The following CATSPERB variants were observed in gnomAD, a reference collection of about 807,000 sequenced individuals.
The protein encoded by CATSPERB is cation channel sperm-associated auxiliary subunit beta.
A neutral mutation model predicts 128.3 loss-of-function variants in CATSPERB; 93 were observed. That is an observed-to-expected ratio of 0.72 (90% CI 0.61 to 0.86). The LOEUF is 0.86. Ranked by LOEUF, CATSPERB falls within the 40% of genes least tolerant of loss-of-function variation. The pLI, the probability that CATSPERB is intolerant of heterozygous loss-of-function variation, is 0.00. For missense variants in CATSPERB, 1,153 were observed against 1,329.5 expected (o/e 0.87, Z 2.06); for synonymous variants, 381 against 448.8 (o/e 0.85, Z 1.91).
At position 91,723,199 on chromosome 14, in the gene CATSPERB, A is replaced by G; in HGVS notation, c.169-10T>C. 2.1e-6 allele frequency: 3 copies of G among 1,418,360 alleles called. No homozygotes were observed. Among genetic ancestry groups the G allele is most frequent in the Admixed American group, 3.0e-5 (1 of 33,524 alleles). 87.9% of individuals were successfully genotyped at this position (1,418,360 alleles called of 1,614,324 possible). ...AGAAACACTGGATTTTCTTTAGGAAAGCAAGAAAAAAAAAAACAACTAATA... is the reference window on the plus strand; with the variant it reads ...AGAAACACTGGATTTTCTTTAGGAAGGCAAGAAAAAAAAAAACAACTAATA... On this transcript the variant is annotated splice_polypyrimidine_tract_variant and intron_variant, in intron 3 of 26. Transcript: ENST00000256343.
intron 20 of CATSPERB, among the ~76,000 whole-genome samples, chr14:91,616,733 CTTTTTTT>C (rs1555360386): frequency 5.9e-5 from 5 of 84,500 alleles, no homozygotes; most frequent in Non-Finnish European, 6.7e-5. Context: ...AAGTATTCCC[CTTTTTTT>C]TTTTTTTTTT....
intron 26 of CATSPERB, among the ~76,000 whole-genome samples, chr14:91,583,262 C>A (rs557031309): frequency 6.6e-6 from 1 of 152,196 alleles, no homozygotes; most frequent in East Asian, 1.9e-4. Context: ...ACCTAAAATA[C>A]AAAAAATTTA....
At chr14:91,624,381 G>A (rs913817172) in intron 18 of CATSPERB, among the ~76,000 whole-genome samples, 1 of 152,224 alleles carries the variant, frequency 6.6e-6, no homozygotes, top group African/African-American at 2.4e-5. Context: ...CTACTCGGGA[G>A]GCTGAGGCAG....
intron 26 of CATSPERB, among the ~76,000 whole-genome samples, chr14:91,584,104 G>A (rs373664681): frequency 2.5e-4 from 38 of 151,264 alleles, no homozygotes; most frequent in Admixed American, 4.0e-4. Context: ...TCACTCTGTC[G>A]CCCAGGCTGG....
chr14:91,669,558 T>C (rs1895049823), intron 14 of CATSPERB, among the ~76,000 whole-genome samples: 1 of 152,214 alleles, frequency 6.6e-6, no homozygotes, highest in African/African-American at 2.4e-5. Flanking sequence ...GAAAGACAGG[T>C]ATAGTAATTG....
chr14:91,581,124 A>G lies in CATSPERB; in HGVS notation c.3133-17T>C, dbSNP rs1459615096. 2 of 1,600,180 alleles carry G rather than the reference A, an allele frequency of 1.2e-6. No homozygotes were observed. Among genetic ancestry groups the G allele is most frequent in the Non-Finnish European group, 1.7e-6 (2 of 1,169,650 alleles). ...AACATAAATCTGCAACAGAAAAAGCAAAGTCTTTAAGCTTTCTGAATTTAG... is the reference window on the plus strand; with the variant it reads ...AACATAAATCTGCAACAGAAAAAGCGAAGTCTTTAAGCTTTCTGAATTTAG... On this transcript the variant is annotated splice_polypyrimidine_tract_variant and intron_variant, in intron 26 of 26. Transcript: ENST00000256343.
intron 26 of CATSPERB, among the ~76,000 whole-genome samples, chr14:91,583,130 C>T (rs1261715912): frequency 6.6e-6 from 1 of 152,192 alleles, no homozygotes; most frequent in African/African-American, 2.4e-5. Context: ...GTAAAAATTT[C>T]ACTTGTGGCT....
Position 91,693,205 on chromosome 14 carries a change from T to C in CATSPERB, c.752A>G (p.Asn251Ser), listed in dbSNP as rs1895499888. The change falls in exon 9 of 27, where the codon AAT (asparagine) becomes AGT (serine). Residue 251 changes from asparagine to serine, a missense_variant. Asn to Ser is a conservative substitution (Grantham distance 46). Transcript: ENST00000256343. ...DLSLVDMVLT[N>S]HFLVILTSLG... ...AGAGGTGAGGATAACTAAAAAATGA[T>C]TCGTTAAAACCATATCCACCAATGA... is the stretch of plus-strand genomic sequence containing the variant. 5 of 1,613,704 alleles carry C rather than the reference T, an allele frequency of 3.1e-6. No homozygotes were observed. Among genetic ancestry groups the C allele is most frequent in the Admixed American group, 1.7e-5 (1 of 59,994 alleles).
intron 4 of CATSPERB, among the ~76,000 whole-genome samples, chr14:91,721,046 C>A (rs1896020089): frequency 6.6e-6 from 1 of 152,102 alleles, no homozygotes; most frequent in Non-Finnish European, 1.5e-5. Flanking sequence ...TGAGTAAGGA[C>A]CCTTATCTCA....
chr14:91,646,104 G>C (rs187613620), intron 15 of CATSPERB: 2 of 154,870 alleles, frequency 1.3e-5, no homozygotes, highest in Non-Finnish European at 2.8e-5. Flanking sequence ...TGCGCCCACT[G>C]TCTGGCACTC....
At chr14:91,641,668 C>T (rs1248203758) in intron 15 of CATSPERB, among the ~76,000 whole-genome samples, 51 of 124,238 alleles carry the variant, frequency 4.1e-4, no homozygotes, top group Non-Finnish European at 8.2e-4. Flanking sequence ...GTTCTTTTGG[C>T]TTAGGATTGA....
At chr14:91,671,543 A>G (rs138316736) in intron 13 of CATSPERB, among the ~76,000 whole-genome samples, 3 of 151,908 alleles carry the variant, frequency 2.0e-5, no homozygotes, top group African/African-American at 7.3e-5. Flanking sequence ...GTGAGCCAAG[A>G]TTGCACCATT....
At chr14:91,697,045 T>C (rs1319438472) in intron 7 of CATSPERB, among the ~76,000 whole-genome samples, 2 of 152,076 alleles carry the variant, frequency 1.3e-5, no homozygotes, top group Admixed American at 6.6e-5. Flanking sequence ...GGAAAATAAA[T>C]ATACAAGCGA....
Position 91,621,821 on chromosome 14 carries a change from T to C in CATSPERB, c.2047A>G (p.Met683Val), listed in dbSNP as rs199631052. ...ATATTGTTGGGTGCACTTTCAGGCA[T>C]GGTAGCAATGGCTAATGCATTCTTA... is the stretch of plus-strand genomic sequence containing the variant. The part of the protein sequence containing the change: ...DNKNALAIAT[M>V]PESAPNNMTF... Residue 683 changes from methionine to valine, a missense_variant, in exon 19 of 27, where the codon ATG (methionine) becomes GTG (valine). By Grantham distance (21) the Met-to-Val change is conservative. Coordinates refer to ENST00000256343, the MANE Select transcript of CATSPERB (RefSeq NM_024764.4). The C allele has an allele frequency of 2.7e-4, 428 of 1,614,206 alleles. No homozygotes were observed. Among genetic ancestry groups the C allele is most frequent in the Admixed American group, 5.2e-4 (31 of 60,028 alleles).
At chr14:91,726,425 A>G (rs1438797058) in intron 2 of CATSPERB, among the ~76,000 whole-genome samples, 1 of 152,184 alleles carries the variant, frequency 6.6e-6, no homozygotes, top group African/African-American at 2.4e-5. Context: ...ATGTCCTGCA[A>G]GAGGGGCCAG....
intron 7 of CATSPERB, among the ~76,000 whole-genome samples, chr14:91,703,680 G>A (rs1180742455): frequency 6.6e-6 from 1 of 152,170 alleles, no homozygotes; most frequent in African/African-American, 2.4e-5. Flanking sequence ...CTACATACCA[G>A]GGGTGTGGCG....
chr14:91,647,229 G>C (rs551255166), intron 15 of CATSPERB, among the ~76,000 whole-genome samples: 5 of 152,182 alleles, frequency 3.3e-5, no homozygotes, highest in Non-Finnish European at 7.4e-5. Context: ...TGTATTCCTT[G>C]GGGATATGTG....
intron 26 of CATSPERB, among the ~76,000 whole-genome samples, chr14:91,582,247 TTGTTGACAGGAA>T (rs949384307): frequency 1.5e-4 from 23 of 152,356 alleles, no homozygotes; most frequent in African/African-American, 4.3e-4. Flanking sequence ...TAGCTTTTCA[TTGTTGACAGGAA>T]TGTTGACAGG....
At chr14:91,600,649 G>A (rs1163237167) in intron 22 of CATSPERB, among the ~76,000 whole-genome samples, 1 of 152,192 alleles carries the variant, frequency 6.6e-6, no homozygotes, top group Non-Finnish European at 1.5e-5. Flanking sequence ...CTTTCCTATG[G>A]AATAATTTCA....
Sources: allele counts gnomAD v4.1 joint callset (sites outside exome capture counted in the v4.1 genomes callset), GRCh38; gene constraint gnomAD v4.1.1; transcripts MANE v1.5; gene names NCBI Gene and HGNC (gene_info 2026-07-23, HGNC 2026-07-21).